Variants in PCYOX1L observed in about 807,000 individuals in gnomAD.
The protein encoded by PCYOX1L is prenylcysteine oxidase 1-like.
A neutral mutation model predicts 44.1 loss-of-function variants in PCYOX1L; 40 were observed. The observed-to-expected ratio is 0.91, with a 90% CI of 0.70 to 1.18. The LOEUF is 1.18. Among genes scored for constraint, PCYOX1L ranks in the 50% most tolerant of loss-of-function variants. The pLI is 0.00. For synonymous variants in PCYOX1L, 266 were observed against 282.8 expected (o/e 0.94, Z 0.60); for missense variants, 605 against 653.3 (o/e 0.93, Z 0.81).
chr5:149,368,535 G>A lies in PCYOX1L; in HGVS notation c.1366G>A (p.Val456Met), dbSNP rs755532620. The change falls in exon 6 of 6, where the codon GTG becomes ATG. Residue 456 changes from valine to methionine, a missense_variant. Transcript: ENST00000274569. ...TGCCCTGGAGTGGGCGGCCAGCTCC[G>A]TGGAGGTGATGGCCGTGGCTGCCAA... ...LNALEWAASS[V>M]EVMAVAAKNV... is the part of the protein sequence containing the mutation. 19 of 1,607,924 alleles carry A rather than the reference G, an allele frequency of 1.2e-5. No homozygotes were observed. The highest frequency in any genetic ancestry group is 9.4e-5 in the African/African-American group (7 of 74,738).
Position 149,367,456 on chromosome 5 carries a change from A to C in PCYOX1L, c.779A>C (p.Asn260Thr). The stretch of plus-strand genomic sequence containing the variant: ...GGTTTGCTGAAGCTCACCAAGGCCA[A>C]TGTGATCCATGCCACAGTGACCTCT... The part of the protein sequence containing the change: ...CSGLLKLTKA[N>T]VIHATVTSVT... Residue 260 changes from asparagine (N) to threonine (T), a missense_variant, in exon 5 of 6, where the codon AAT (asparagine) becomes ACT (threonine). By Grantham distance (65) the Asn-to-Thr change is moderately conservative. Transcript: ENST00000274569. 1 of 1,613,984 alleles carries C rather than the reference A, an allele frequency of 6.2e-7. No individual in the cohort carries two copies.
At chr5:149,360,083 T>C (rs770095736) in intron 1 of PCYOX1L, among the ~76,000 whole-genome samples, 2 of 152,196 alleles carry the variant, frequency 1.3e-5, no homozygotes, top group Non-Finnish European at 2.9e-5. Context: ...CCCCACACCC[T>C]CTGGGGCAGA....
At position 149,358,268 on chromosome 5, in the gene PCYOX1L, CG is replaced by C. The variant is rs553563696; in HGVS notation, c.88+114del. 252 of 1,257,722 alleles carry C rather than the reference CG, an allele frequency of 2.0e-4. No individual in the cohort carries two copies. In the African/African-American group the frequency reaches 3.5e-3, roughly 17 times the overall value. 77.9% of individuals were successfully genotyped at this position (1,257,722 alleles called of 1,614,324 possible). A position where few individuals can be genotyped will look rare whatever the true frequency, so the allele number is the denominator to read the frequency against. ...GGCGGCTGGGTGAGGGAGGGGTCCT[CG>C]GAAAAGGAGCTGGGTGGAGGAGAGG... On this transcript the variant is annotated intron_variant, in intron 1 of 5. Transcript: ENST00000274569.
chr5:149,358,046 G>A lies in PCYOX1L; in HGVS notation c.-23G>A, dbSNP rs748130230. ...CAACCCGCTAGCGCCTGAATCCGGC[G>A]TGCTGCCCGCTCGCCGCCCGCCATG... On this transcript the variant is annotated 5_prime_UTR_variant, in exon 1 of 6. The change creates a new upstream start codon in the 5' untranslated region. Coordinates refer to ENST00000274569, the MANE Select transcript of PCYOX1L (RefSeq NM_024028.4). 1.8e-4 allele frequency: 238 copies of A among 1,324,240 alleles called. 6 individuals are homozygous for A. The South Asian group carries it at 4.3e-3, about 24-fold the overall frequency. 82.0% of individuals were successfully genotyped at this position (1,324,240 alleles called of 1,614,324 possible).
intron 1 of PCYOX1L, among the ~76,000 whole-genome samples, chr5:149,360,174 T>C (rs1046865005): frequency 1.3e-5 from 2 of 152,240 alleles, no homozygotes; most frequent in African/African-American, 4.8e-5. Flanking sequence ...CGCAGGAGTC[T>C]GTCTGCCCAT....
intron 3 of PCYOX1L, chr5:149,364,415 G>T (rs967023720): frequency 2.6e-5 from 15 of 580,542 alleles, no homozygotes; most frequent in Non-Finnish European, 3.6e-5. Context: ...TTGTCACATT[G>T]ACTCTCATTT....
intron 2 of PCYOX1L, chr5:149,363,346 G>A: frequency 3.1e-6 from 1 of 325,648 alleles, no homozygotes; most frequent in Non-Finnish European, 6.1e-6. Flanking sequence ...CTTCTCAGAA[G>A]TGATGCTACA....
chr5:149,362,902 G>A, intron 2 of PCYOX1L, 59 bp downstream of exon 2: 1 of 1,579,108 alleles, frequency 6.3e-7, no homozygotes, highest in Non-Finnish European at 8.7e-7. Context: ...GACAGCACTG[G>A]GCCCTTCTCA....
Position 149,362,622 on chromosome 5 carries a change from C to T in PCYOX1L, c.89-15C>T, listed in dbSNP as rs750649287. 16 of 1,613,660 alleles carry T rather than the reference C, an allele frequency of 9.9e-6. No individual in the cohort carries two copies. The highest frequency in any genetic ancestry group is 2.2e-5 in the East Asian group (1 of 44,886). ...TCTGTCTCTCTTCTTCCCTACCTCC[C>T]GGGCCTGCTGACAGCGGTGGTTGGG... On this transcript the variant is annotated splice_polypyrimidine_tract_variant and intron_variant, in intron 1 of 5. Transcript: ENST00000274569.
chr5:149,368,525 G>A lies in PCYOX1L; in HGVS notation c.1356G>A (p.Ala452=), dbSNP rs141174252. The A allele has an allele frequency of 1.9e-4, 310 of 1,610,152 alleles. 1 individual carries two copies. The highest frequency in any genetic ancestry group is 1.6e-4 in the Middle Eastern group (1 of 6,066). Residue 452 remains alanine, a synonymous_variant, in exon 6 of 6, where the codon GCG becomes GCA. Coordinates refer to ENST00000274569, the MANE Select transcript of PCYOX1L (RefSeq NM_024028.4). ...TCTACCTCAATGCCCTGGAGTGGGC[G>A]GCCAGCTCCGTGGAGGTGATGGCCG... is the stretch of plus-strand genomic sequence containing the variant. The part of the protein sequence containing the change: ...QLFYLNALEW[A]ASSVEVMAVA...
chr5:149,368,876 C>A lies in PCYOX1L; in HGVS notation c.*222C>A. 2.5e-6 allele frequency: 1 copy of A among 406,190 alleles called. No individual in the cohort carries two copies. The highest frequency in any genetic ancestry group is 4.3e-6 in the Non-Finnish European group (1 of 232,162). The allele number at this position is 406,190 out of a possible 1,614,324, so 25.2% of individuals were successfully genotyped here. A position where few individuals can be genotyped will look rare whatever the true frequency, so the allele number is the denominator to read the frequency against. ...GTAAGAAAAGAGAAGGAAATCCAAG[C>A]CAGTATATTTGTTTTATTTATTTTT... On this transcript the variant is annotated 3_prime_UTR_variant, in exon 6 of 6. Transcript: ENST00000274569.
chr5:149,363,020 A>G, intron 2 of PCYOX1L, 177 bp downstream of exon 2: 1 of 768,588 alleles, frequency 1.3e-6, no homozygotes, highest in Non-Finnish European at 2.2e-6. Context: ...TTACACAGTG[A>G]GTTAGTTGCA....
chr5:149,360,460 C>A (rs999731984), intron 1 of PCYOX1L, among the ~76,000 whole-genome samples: 1 of 152,184 alleles, frequency 6.6e-6, no homozygotes, highest in Non-Finnish European at 1.5e-5. Context: ...TTTGTAAGTA[C>A]TGTGAGAGGA....
chr5:149,366,175 T>A lies in PCYOX1L; in HGVS notation c.682+22T>A, dbSNP rs1383072427. 5 of 1,602,182 alleles carry A rather than the reference T, an allele frequency of 3.1e-6. No homozygotes were observed. The South Asian group carries it at 5.5e-5, about 18-fold the overall frequency. On this transcript the variant is annotated intron_variant, in intron 4 of 5. Transcript: ENST00000274569. ...GCAGGTAAGCGTCCAACCCTTGGCCTGCCCACCTGCCCCTCCTCCACCCAA... is the reference window on the plus strand; with the variant it reads ...GCAGGTAAGCGTCCAACCCTTGGCCAGCCCACCTGCCCCTCCTCCACCCAA...
chr5:149,361,147 G>A (rs1370222525), intron 1 of PCYOX1L, among the ~76,000 whole-genome samples: 1 of 152,218 alleles, frequency 6.6e-6, no homozygotes, highest in Non-Finnish European at 1.5e-5. Context: ...AGTGGCTAAT[G>A]CCTGTAATTC....
At position 149,366,116 on chromosome 5, in the gene PCYOX1L, C is replaced by T; in HGVS notation, c.645C>T (p.Ala215=). 3 of 1,613,686 alleles carry T rather than the reference C, an allele frequency of 1.9e-6. No homozygotes were observed. The highest frequency in any genetic ancestry group is 2.5e-6 in the Non-Finnish European group (3 of 1,180,040). The change falls in exon 4 of 6, where the codon GCC becomes GCT. Residue 215 remains alanine (A), a synonymous_variant. Coordinates refer to ENST00000274569, the MANE Select transcript of PCYOX1L (RefSeq NM_024028.4). ...IDDVVSAVLR[A]SYGQSAAMPA... is the part of the protein sequence containing the mutation. ...ATGTCGTTTCTGCTGTCCTGCGGGC[C>T]AGCTATGGCCAGTCAGCAGCGATGC...
intron 1 of PCYOX1L, among the ~76,000 whole-genome samples, chr5:149,361,157 C>T (rs1261089468): frequency 6.6e-6 from 1 of 152,148 alleles, no homozygotes; most frequent in Non-Finnish European, 1.5e-5. Flanking sequence ...GCCTGTAATT[C>T]CAGCACTTGG....
intron 3 of PCYOX1L, 165 bp from the exon 4 acceptor site, chr5:149,365,777 A>G: frequency 1.6e-6 from 1 of 640,344 alleles, no homozygotes; most frequent in South Asian, 1.9e-5. Context: ...GGCCCGCCAC[A>G]GTCAGAGAAC....
chr5:149,362,913 G>A (rs1758059953), intron 2 of PCYOX1L, 70 bp downstream of exon 2: 1 of 1,521,946 alleles, frequency 6.6e-7, no homozygotes, highest in Non-Finnish European at 9.1e-7. Flanking sequence ...GCCCTTCTCA[G>A]ACTTCCCAGA....
Sources: gnomAD v4.1 joint callset for allele counts (sites outside exome capture counted in the v4.1 genomes callset) on GRCh38, gnomAD v4.1.1 for gene constraint, MANE v1.5 for transcripts, NCBI Gene and HGNC (gene_info 2026-07-23, HGNC 2026-07-21) for gene names.